The following ARFRP1 variants were observed in gnomAD, a reference collection of about 807,000 sequenced individuals.
ARFRP1 encodes the protein ARF related protein 1, also known as ADP-ribosylation factor-related protein 1.
A neutral mutation model predicts 30.3 loss-of-function variants in ARFRP1; 19 were observed. The observed-to-expected ratio is 0.63, with a 90% CI of 0.44 to 0.92. The LOEUF (loss-of-function observed/expected upper bound fraction) is 0.92, where lower values mean the gene tolerates loss of function less well. Among genes scored for constraint, ARFRP1 ranks in the 40% least tolerant of loss-of-function variants. The pLI is 0.00. For missense variants in ARFRP1, 245 were observed against 267.5 expected, an observed-to-expected ratio of 0.92 and a Z score of 0.59; for synonymous variants, 133 against 114.2, an observed-to-expected ratio of 1.16 and a Z score of -1.05.
rs373829690 is a variant in ARFRP1, at chr20:63,701,888, G to A, written c.359C>T (p.Thr120Ile). 2 of 1,549,802 alleles carry A rather than the reference G, an allele frequency of 1.3e-6. No individual in the cohort carries two copies. The highest frequency in any genetic ancestry group is 2.4e-5 in the East Asian group (1 of 40,986). The change falls in exon 6 of 8, where the codon ACC (threonine) becomes ATC (isoleucine). Residue 120 changes from threonine (T) to isoleucine (I), a missense_variant. Physicochemically the swap from Thr to Ile is moderately conservative, Grantham distance 89. Transcript: ENST00000622789. The stretch of plus-strand genomic sequence containing the variant: ...GGGGACACCGCACAGCGCCTCGCTG[G>A]TCACCACCTTCTCTGGGGAGGGCAG... ...ESKQAFEKVV[T>I]SEALCGVPVL...
At chr20:63,701,965 A>G (rs935886281) in intron 5 of ARFRP1, 65 bp from the exon 6 acceptor site, 5 of 1,420,988 alleles carry the variant, frequency 3.5e-6, no homozygotes, top group Admixed American at 4.2e-5. Flanking sequence ...CCAGGGGCCC[A>G]CAGGCGTGGA....
intron 4 of ARFRP1, chr20:63,704,532 C>G (rs1393980549): frequency 6.6e-6 from 1 of 152,334 alleles, no homozygotes; most frequent in Middle Eastern, 3.4e-3. Flanking sequence ...AAGTCGCACC[C>G]CAGCAGAAGT....
At position 63,702,207 on chromosome 20, in the gene ARFRP1, T is replaced by C; in HGVS notation, c.275A>G (p.Glu92Gly). The stretch of plus-strand genomic sequence containing the variant: ...AATGACGTAGATGACGCCGTGACAC[T>C]CCGCATAATACTGGGAGGAAGCACC... ...LQSLWDKYYA[E>G]CHGVIYVIDS... is the part of the protein sequence containing the mutation. The change falls in exon 5 of 8, where the codon GAG becomes GGG. Residue 92 changes from glutamate to glycine, a missense_variant. Physicochemically the swap from Glu to Gly is moderately conservative, Grantham distance 98. Coordinates refer to ENST00000622789, the MANE Select transcript of ARFRP1 (RefSeq NM_001267547.3). 6.2e-7 allele frequency: 1 copy of C among 1,611,812 alleles called. No individual in the cohort carries two copies. Among genetic ancestry groups the C allele is most frequent in the Non-Finnish European group, 8.5e-7 (1 of 1,179,798 alleles).
intron 6 of ARFRP1, among the ~76,000 whole-genome samples, chr20:63,700,950 C>T (rs2145528236): frequency 6.6e-6 from 1 of 152,320 alleles, no homozygotes; most frequent in East Asian, 1.9e-4. Flanking sequence ...CCCCCCATCC[C>T]CTCCCTGGGG....
Position 63,706,692 on chromosome 20 carries a change from C to G in ARFRP1, c.140G>C (p.Gly47Ala). 2 of 1,614,014 alleles carry G rather than the reference C, an allele frequency of 1.2e-6. No homozygotes were observed. Among genetic ancestry groups the G allele is most frequent in the South Asian group, 1.1e-5 (1 of 91,080 alleles). ...SKTRFNKNYK[G>A]MSLSKITTTV... ...GGTGGTGATTTTGGATAGACTCATC[C>G]CCTTGTAGTTCTTGTTAAATCGGGT... The change falls in exon 3 of 8, where the codon GGG (glycine) becomes GCG (alanine). Residue 47 changes from glycine (G) to alanine (A), a missense_variant. Physicochemically the swap from Gly to Ala is moderately conservative, Grantham distance 60. Transcript: ENST00000622789.
At chr20:63,701,980 G>A in intron 5 of ARFRP1, 80 bp from the exon 6 acceptor site, 1 of 1,298,754 alleles carries the variant, frequency 7.7e-7, no homozygotes, top group Non-Finnish European at 1.1e-6. Context: ...CGTGGACACT[G>A]TGACAGCCAC....
intron 5 of ARFRP1, 98 bp from the exon 6 acceptor site, chr20:63,701,998 G>GCCCCACCCCCCCCCCCCCCCCCCC: frequency 1.7e-6 from 1 of 583,916 alleles, no homozygotes; most frequent in South Asian, 2.1e-5. Context: ...CACTCCCTCT[G>GCCCCACCCCCCCCCCCCCCCCCCC]CCCCCCCCCC....
rs2091223172 is a variant in ARFRP1, at chr20:63,701,899, C to T, written c.348G>A (p.Glu116=). The change falls in exon 6 of 8, where the codon GAG becomes GAA. Residue 116 remains glutamate (E), a splice_region_variant and synonymous_variant. Transcript: ENST00000622789. ...ERLAESKQAF[E]KVVTSEALCG... ...ACAGCGCCTCGCTGGTCACCACCTT[C>T]TCTGGGGAGGGCAGGAGAGGCAGCG... 6.5e-7 allele frequency: 1 copy of T among 1,549,534 alleles called. No homozygotes were observed. The highest frequency in any genetic ancestry group is 8.7e-7 in the Non-Finnish European group (1 of 1,146,862).
chr20:63,701,998 G>C (rs1601244635), intron 5 of ARFRP1, 98 bp from the exon 6 acceptor site: 720 of 585,456 alleles, frequency 1.2e-3, no homozygotes, highest in South Asian at 3.9e-3. Context: ...CACTCCCTCT[G>C]CCCCCCCCCC....
At chr20:63,705,974 C>CCG (rs2091437399) in intron 4 of ARFRP1, 1 of 347,800 alleles carries the variant, frequency 2.9e-6, no homozygotes, top group African/African-American at 2.1e-5. Flanking sequence ...AGATCCCCCC[C>CCG]GGCTTCAGGC....
At chr20:63,701,176 C>T (rs778241062) in intron 6 of ARFRP1, 1 of 511,940 alleles carries the variant, frequency 2.0e-6, no homozygotes, top group Non-Finnish European at 4.0e-6. Flanking sequence ...CGAGGGGAGA[C>T]CCCTGCCCCG....
chr20:63,700,451 T>C lies in ARFRP1; in HGVS notation c.598A>G (p.Ile200Val), dbSNP rs914456488. ...CGGCAGCGCGGCTGCGCCTACGTGA[T>C]GTCCCTCTGCCGCGGCGGCCGGTGC... The part of the protein sequence containing the change: ...NVHRPPRQRD[I>V]T Residue 200 changes from isoleucine (I) to valine (V), a missense_variant, in exon 8 of 8, where the codon ATC becomes GTC. Ile to Val is a conservative substitution (Grantham distance 29). Coordinates refer to ENST00000622789, the MANE Select transcript of ARFRP1 (RefSeq NM_001267547.3). 2 of 1,608,986 alleles carry C rather than the reference T, an allele frequency of 1.2e-6. No homozygotes were observed. The highest frequency in any genetic ancestry group is 8.5e-7 in the Non-Finnish European group (1 of 1,179,790).
intron 6 of ARFRP1, 120 bp downstream of exon 6, chr20:63,701,710 G>A (rs2091213140): frequency 1.1e-6 from 1 of 894,514 alleles, no homozygotes; most frequent in Non-Finnish European, 1.7e-6. Context: ...CCTTGAGAAT[G>A]GCTCTGTACC....
chr20:63,706,509 G>A, intron 3 of ARFRP1, 70 bp from the exon 4 acceptor site: 1 of 1,558,162 alleles, frequency 6.4e-7, no homozygotes, highest in South Asian at 1.1e-5. Context: ...AGCTCTCCCA[G>A]GGGATGGGGC....
intron 6 of ARFRP1, 100 bp from the exon 7 acceptor site, chr20:63,700,802 A>T: frequency 6.8e-7 from 1 of 1,464,894 alleles, no homozygotes; most frequent in Non-Finnish European, 9.2e-7. Context: ...CACCCCAGGG[A>T]AACAGCCAGA....
chr20:63,706,448 A>T lies in ARFRP1; in HGVS notation c.182-9T>A, dbSNP rs775471873. 3 of 1,612,616 alleles carry T rather than the reference A, an allele frequency of 1.9e-6. No individual in the cohort carries two copies. Among genetic ancestry groups the T allele is most frequent in the Non-Finnish European group, 2.5e-6 (3 of 1,179,408 alleles). ...CACATCCACAGTGCCGACTGGGGAG[A>T]GGAGGAAACAGGCAAGGCTCATGAC... On this transcript the variant is annotated splice_polypyrimidine_tract_variant and intron_variant, in intron 3 of 7. Transcript: ENST00000622789.
chr20:63,700,933 G>C (rs1301848464), intron 6 of ARFRP1, among the ~76,000 whole-genome samples: 1 of 152,140 alleles, frequency 6.6e-6, no homozygotes, highest in Non-Finnish European at 1.5e-5. Context: ...CGGCTCCAAG[G>C]AGTCCACCCC....
chr20:63,701,646 A>G (rs2091210245), intron 6 of ARFRP1, 184 bp downstream of exon 6: 1 of 616,924 alleles, frequency 1.6e-6, no homozygotes, highest in South Asian at 2.0e-5. Flanking sequence ...CAGGGCTGGC[A>G]GCAGCAGGTC....
chr20:63,702,196 C>T lies in ARFRP1; in HGVS notation c.286G>A (p.Val96Ile), dbSNP rs963773082. The T allele has an allele frequency of 1.4e-5, 22 of 1,611,822 alleles. No individual in the cohort carries two copies. The highest frequency in any genetic ancestry group is 6.7e-5 in the East Asian group (3 of 44,878). The change falls in exon 5 of 8, where the codon GTC becomes ATC. Residue 96 changes from valine to isoleucine, a missense_variant. Transcript: ENST00000622789. ...TCGGTGGAGTCAATGACGTAGATGACGCCGTGACACTCCGCATAATACTGG... is the reference window on the plus strand; with the variant it reads ...TCGGTGGAGTCAATGACGTAGATGATGCCGTGACACTCCGCATAATACTGG... ...WDKYYAECHGVIYVIDSTDEE... is the reference protein window; with the variant it reads ...WDKYYAECHGIIYVIDSTDEE...
Sources: allele counts gnomAD v4.1 joint callset (sites outside exome capture counted in the v4.1 genomes callset), GRCh38; gene constraint gnomAD v4.1.1; transcripts MANE v1.5; gene names NCBI Gene and HGNC (gene_info 2026-07-23, HGNC 2026-07-21).